The following ATRNL1 variants were observed in gnomAD, a reference collection of about 807,000 sequenced individuals.
ATRNL1 encodes the protein attractin-like protein 1.
A neutral mutation model predicts 182.7 loss-of-function variants in ATRNL1; 95 were observed. The observed-to-expected ratio is 0.52, with a 90% CI of 0.44 to 0.62. ATRNL1 has a LOEUF of 0.62. Among genes scored for constraint, ATRNL1 ranks in the 20% least tolerant of loss-of-function variants. ATRNL1 has a pLI of 0.00. For missense variants in ATRNL1, 1,471 were observed against 1,679.5 expected (o/e 0.88, Z 2.17); for synonymous variants, 576 against 568.3 (o/e 1.01, Z -0.19).
chr10:115,221,051 T>C (rs766392784), intron 9 of ATRNL1, among the ~76,000 whole-genome samples: 20 of 152,290 alleles, frequency 1.3e-4, no homozygotes, highest in Non-Finnish European at 2.6e-4. Context: ...TAGATTCTCA[T>C]AGGGACATGC....
chr10:115,455,393 C>A (rs1414586279), intron 21 of ATRNL1, among the ~76,000 whole-genome samples: 1 of 152,072 alleles, frequency 6.6e-6, no homozygotes, highest in Non-Finnish European at 1.5e-5. Flanking sequence ...GGAAAGGATT[C>A]CCTATGTAAT....
chr10:115,605,172 G>A (rs893741539), intron 26 of ATRNL1, among the ~76,000 whole-genome samples: 16 of 151,954 alleles, frequency 1.1e-4, no homozygotes, highest in Admixed American at 3.9e-4. Flanking sequence ...TTTTACTACC[G>A]TTATTATCTC....
intron 26 of ATRNL1, among the ~76,000 whole-genome samples, chr10:115,638,799 G>A (rs1859052536): frequency 6.6e-6 from 1 of 152,202 alleles, no homozygotes; most frequent in Non-Finnish European, 1.5e-5. Flanking sequence ...CAGTAGTAAA[G>A]TAGAGATGAC....
intron 15 of ATRNL1, among the ~76,000 whole-genome samples, chr10:115,299,224 T>G (rs1177691456): frequency 6.6e-6 from 1 of 151,854 alleles, no homozygotes; most frequent in Non-Finnish European, 1.5e-5. Context: ...TTGTAAAGAT[T>G]AGTAACTTGG....
At chr10:115,460,927 G>A (rs1262158750) in intron 21 of ATRNL1, among the ~76,000 whole-genome samples, 1 of 151,992 alleles carries the variant, frequency 6.6e-6, no homozygotes, top group Non-Finnish European at 1.5e-5. Flanking sequence ...TTGGAACTAT[G>A]ACCTACTGCA....
At chr10:115,249,156 A>AT (rs550767501) in intron 10 of ATRNL1, among the ~76,000 whole-genome samples, 45 of 151,320 alleles carry the variant, frequency 3.0e-4, no homozygotes, top group African/African-American at 8.0e-4. Flanking sequence ...TAATTTTTGT[A>AT]TTTTTTTTGT....
Position 115,922,280 on chromosome 10 carries a change from C to T in ATRNL1, c.4019-22378C>T, listed in dbSNP as rs1953089540. ...CAGGGATCTGTATGTTTTAATAAAG[C>T]AGAGGAAGGGTGGTTTGCATGTAGT... On this transcript the variant is annotated intron_variant, in intron 28 of 28. Transcript: ENST00000355044. 2.0e-5 allele frequency among the ~76,000 whole-genome samples: 3 copies of T among 152,242 alleles called. No homozygotes were observed. The South Asian group carries it at 6.2e-4, about 32-fold the overall frequency.
At chr10:115,559,931 A>C (rs1199984440) in intron 26 of ATRNL1, among the ~76,000 whole-genome samples, 1 of 152,192 alleles carries the variant, frequency 6.6e-6, no homozygotes, top group Non-Finnish European at 1.5e-5. Flanking sequence ...CTAGATTGGG[A>C]AGAAAGAAGT....
At chr10:115,189,505 T>G (rs879975896) in intron 8 of ATRNL1, among the ~76,000 whole-genome samples, 3 of 152,054 alleles carry the variant, frequency 2.0e-5, no homozygotes, top group Admixed American at 2.0e-4. Flanking sequence ...CCTGACTTTG[T>G]GTAGGCCTAG....
chr10:115,590,353 G>A (rs2769412), intron 26 of ATRNL1, among the ~76,000 whole-genome samples: 72,403 of 151,782 alleles, frequency 0.48, 18,718 homozygotes, highest in East Asian at 0.84. Flanking sequence ...TCTTTTCTTT[G>A]GCAGTTTGCT....
At chr10:115,877,118 T>C (rs566348988) in intron 28 of ATRNL1, among the ~76,000 whole-genome samples, 2 of 152,234 alleles carry the variant, frequency 1.3e-5, no homozygotes, top group Non-Finnish European at 2.9e-5. Context: ...TAGAATACTT[T>C]TCCGGCTTTC....
intron 9 of ATRNL1, among the ~76,000 whole-genome samples, chr10:115,223,802 T>C (rs190954499): frequency 6.7e-6 from 1 of 150,026 alleles, no homozygotes; most frequent in East Asian, 1.9e-4. Flanking sequence ...AAAAGTAACT[T>C]TTTGGTGATT....
chr10:115,296,155 TCTC>T (rs1853174323), intron 15 of ATRNL1, among the ~76,000 whole-genome samples: 2 of 152,106 alleles, frequency 1.3e-5, no homozygotes. Flanking sequence ...GTGGGGATCT[TCTC>T]CTTACCTATT....
chr10:115,615,824 A>C (rs1384358819), intron 26 of ATRNL1, among the ~76,000 whole-genome samples: 3 of 152,176 alleles, frequency 2.0e-5, no homozygotes, highest in Non-Finnish European at 4.4e-5. Context: ...CAGAACCGTG[A>C]GCCAAGTAAA....
At chr10:115,621,099 G>A (rs907571600) in intron 26 of ATRNL1, among the ~76,000 whole-genome samples, 3 of 151,454 alleles carry the variant, frequency 2.0e-5, no homozygotes, top group Non-Finnish European at 1.5e-5. Flanking sequence ...GACTGTTGAA[G>A]CATTCAGTTT....
rs1049621715 is a variant in ATRNL1, at chr10:115,394,529, G to T, written c.3176-130G>T. The T allele has an allele frequency of 5.8e-6, 4 of 684,366 alleles. No homozygotes were observed. In the South Asian group the frequency reaches 6.9e-5, roughly 12 times the overall value. 42.4% of individuals were successfully genotyped at this position (684,366 alleles called of 1,614,324 possible). On this transcript the variant is annotated intron_variant, in intron 19 of 28. Transcript: ENST00000355044. ...AATTAAAAATAATTTATACTATCTGGTAACCTTAGTTTTTGGATGGCAAGA... is the reference window on the plus strand; with the variant it reads ...AATTAAAAATAATTTATACTATCTGTTAACCTTAGTTTTTGGATGGCAAGA...
chr10:115,900,979 A>T (rs915131069), intron 28 of ATRNL1, among the ~76,000 whole-genome samples: 3 of 152,214 alleles, frequency 2.0e-5, no homozygotes, highest in Non-Finnish European at 4.4e-5. Context: ...CATCCACCTG[A>T]TTCTACAATG....
chr10:115,633,864 C>A (rs1449678944), intron 26 of ATRNL1, among the ~76,000 whole-genome samples: 1 of 151,902 alleles, frequency 6.6e-6, no homozygotes, highest in Non-Finnish European at 1.5e-5. Context: ...TTGATATTTC[C>A]ATTGATAGAC....
At chr10:115,854,771 C>T (rs1052745110) in intron 28 of ATRNL1, among the ~76,000 whole-genome samples, 2 of 152,122 alleles carry the variant, frequency 1.3e-5, no homozygotes, top group African/African-American at 2.4e-5. Flanking sequence ...CTCTTTGTGC[C>T]CTTTTACATC....
Sources: allele counts gnomAD v4.1 joint callset (sites outside exome capture counted in the v4.1 genomes callset), GRCh38; gene constraint gnomAD v4.1.1; transcripts MANE v1.5; gene names NCBI Gene and HGNC (gene_info 2026-07-23, HGNC 2026-07-21).